Variants in ETF1 observed in about 807,000 individuals in gnomAD.
The protein encoded by ETF1 is eukaryotic translation termination factor 1, also known as eukaryotic peptide chain release factor subunit 1.
In ETF1, 4 loss-of-function variants were observed where a neutral mutation model predicts 55.1. The observed-to-expected ratio is 0.07, with a 90% confidence interval of 0.04 to 0.17. The LOEUF is 0.17. Among genes scored for constraint, ETF1 ranks in the 10% least tolerant of loss-of-function variants. The pLI is 1.00. For synonymous variants in ETF1, 157 were observed against 182.3 expected, an observed-to-expected ratio of 0.86 and a Z score of 1.12; for missense variants, 142 against 523.6, an observed-to-expected ratio of 0.27 and a Z score of 7.11.
At chr5:138,510,712 G>C (rs1764742295) in intron 8 of ETF1, 83 bp from the exon 9 acceptor site, 1 of 1,555,500 alleles carries the variant, frequency 6.4e-7, no homozygotes, top group Non-Finnish European at 8.7e-7. Context: ...GGTTAGATGA[G>C]AAAAGGGCTC....
intron 2 of ETF1, chr5:138,529,436 C>T (rs1223360939): frequency 4.5e-6 from 1 of 219,898 alleles, no homozygotes; most frequent in African/African-American, 2.4e-5. Flanking sequence ...AATAGTTTTC[C>T]TTCGTTTTTC....
At chr5:138,512,258 A>ATATTT (rs1484458741) in intron 6 of ETF1, among the ~76,000 whole-genome samples, 5 of 20,004 alleles carry the variant, frequency 2.5e-4, no homozygotes, top group African/African-American at 5.7e-4. Context: ...ATATATATAT[A>ATATTT]TTTTTTTTTT....
intron 2 of ETF1, among the ~76,000 whole-genome samples, chr5:138,533,128 A>C (rs154080): frequency 0.95 from 144,081 of 151,858 alleles, 68,396 homozygotes; most frequent in East Asian, 0.99. Flanking sequence ...TTAGTACGGA[A>C]AGGGTTTCAC....
rs1035543842 is a variant in ETF1 at position 138,507,105 on chromosome 5, AG to A, written c.*1199del. The A allele has an allele frequency of 1.3e-5, 2 of 152,204 alleles. No individual in the cohort carries two copies. The highest frequency in any genetic ancestry group is 4.8e-5 in the African/African-American group (2 of 41,448). The allele number at this position is 152,204 out of a possible 1,614,324, so 9.4% of individuals were successfully genotyped here. A position where few individuals can be genotyped will look rare whatever the true frequency, so the allele number is the denominator to read the frequency against. On this transcript the variant is annotated 3_prime_UTR_variant, in exon 11 of 11. Coordinates refer to ENST00000360541, the MANE Select transcript of ETF1 (RefSeq NM_004730.4). Reference sequence around the variant, plus strand: ...AGCCCAGCTGTGAAGCATAAGCTTCAGGGTTTCAGGCCAACTTTTGGATCCA... The same window carrying A: ...AGCCCAGCTGTGAAGCATAAGCTTCAGGTTTCAGGCCAACTTTTGGATCCA...
At chr5:138,526,302 A>G (rs1305522204) in intron 2 of ETF1, among the ~76,000 whole-genome samples, 2 of 152,188 alleles carry the variant, frequency 1.3e-5, no homozygotes, top group South Asian at 2.1e-4. Flanking sequence ...CTGTGAGGGG[A>G]ACGAAAATAA....
At chr5:138,539,607 A>T (rs1027980122) in intron 2 of ETF1, among the ~76,000 whole-genome samples, 6 of 152,226 alleles carry the variant, frequency 3.9e-5, no homozygotes, top group African/African-American at 1.2e-4. Flanking sequence ...CCAAATAAGC[A>T]TGTTCTACCC....
chr5:138,539,695 G>A (rs541336868), intron 2 of ETF1, among the ~76,000 whole-genome samples: 1 of 152,256 alleles, frequency 6.6e-6, no homozygotes, highest in Admixed American at 6.5e-5. Flanking sequence ...AAAACAGAAT[G>A]CTATGAAGTT....
chr5:138,542,148 G>A (rs910751682), intron 2 of ETF1, among the ~76,000 whole-genome samples: 2 of 152,148 alleles, frequency 1.3e-5, no homozygotes, highest in Admixed American at 1.3e-4. Flanking sequence ...ACATACACAT[G>A]CAGATTCATT....
intron 2 of ETF1, among the ~76,000 whole-genome samples, chr5:138,538,475 T>A (rs1020713151): frequency 6.6e-6 from 1 of 152,092 alleles, no homozygotes; most frequent in Non-Finnish European, 1.5e-5. Flanking sequence ...CAGGTGTGAG[T>A]CAACGTGCCC....
intron 2 of ETF1, among the ~76,000 whole-genome samples, chr5:138,524,533 C>T (rs1215393980): frequency 2.7e-5 from 4 of 149,960 alleles, no homozygotes; most frequent in Non-Finnish European, 5.9e-5. Context: ...AGCCTGGAAA[C>T]CAGAGTGAAA....
At position 138,513,894 on chromosome 5, in the gene ETF1, C is replaced by T. The variant is rs1308688880; in HGVS notation, c.403-188G>A. The T allele has an allele frequency of 3.7e-6, 3 of 821,472 alleles. No homozygotes were observed. The African/African-American group carries it at 5.6e-5, about 15-fold the overall frequency. 50.9% of individuals were successfully genotyped at this position (821,472 alleles called of 1,614,324 possible). ...GTAACTCTTATGGACAAATTTGAAC[C>T]CAATAAGGAAATAACGAATGATATC... On this transcript the variant is annotated intron_variant, in intron 4 of 10. Transcript: ENST00000360541.
In ETF1 at chr5:138,516,818, T is replaced by C. The variant is rs144461092; in HGVS notation, c.402+743A>G. Among the ~76,000 whole-genome samples, 56 of 152,306 alleles carry C rather than the reference T, an allele frequency of 3.7e-4. No homozygotes were observed. The East Asian group carries it at 0.01, about 27-fold the overall frequency. ...CAAATCTAAGAAACATGAAAATGTA[T>C]GGTCACATAGAAACTTGTCCATGAA... On this transcript the variant is annotated intron_variant, in intron 4 of 10. Coordinates refer to ENST00000360541, the MANE Select transcript of ETF1 (RefSeq NM_004730.4).
intron 6 of ETF1, among the ~76,000 whole-genome samples, chr5:138,512,256 ATATTT>A (rs1173181445): frequency 5.3e-5 from 1 of 18,878 alleles, no homozygotes; most frequent in Non-Finnish European, 8.3e-5. Context: ...ATATATATAT[ATATTT>A]TTTTTTTTTT....
chr5:138,508,142 C>T lies in ETF1; in HGVS notation c.*163G>A. On this transcript the variant is annotated 3_prime_UTR_variant, in exon 11 of 11. Transcript: ENST00000360541. ...GACAAACCAAAGTGTAGGGCTGGGT[C>T]TGGTTTTGTTTCGGTTTTCTTTTCA... The T allele has an allele frequency of 1.2e-6, 1 of 868,040 alleles. No individual in the cohort carries two copies. Among genetic ancestry groups the T allele is most frequent in the Non-Finnish European group, 1.7e-6 (1 of 589,394 alleles). 53.8% of individuals were successfully genotyped at this position (868,040 alleles called of 1,614,324 possible).
intron 7 of ETF1, 96 bp from the exon 8 acceptor site, chr5:138,511,296 T>A: frequency 6.5e-7 from 1 of 1,542,382 alleles, no homozygotes; most frequent in Non-Finnish European, 8.7e-7. Flanking sequence ...AGATAAAAAA[T>A]AATGCTTTTA....
intron 8 of ETF1, 45 bp from the exon 9 acceptor site, chr5:138,510,674 A>G: frequency 6.2e-7 from 1 of 1,609,778 alleles, no homozygotes; most frequent in East Asian, 2.2e-5. Flanking sequence ...GCTCTCATAT[A>G]CTAATCTGTG....
At chr5:138,513,839 G>T in intron 4 of ETF1, 133 bp from the exon 5 acceptor site, 2 of 1,132,398 alleles carry the variant, frequency 1.8e-6, no homozygotes, top group Non-Finnish European at 2.3e-6. Flanking sequence ...ACCTTCTACG[G>T]AATAATTTAT....
At chr5:138,513,755 A>G (rs779383972) in intron 4 of ETF1, 49 bp from the exon 5 acceptor site, 1 of 1,564,030 alleles carries the variant, frequency 6.4e-7, no homozygotes, top group East Asian at 2.3e-5. Flanking sequence ...AGCTTTGCTA[A>G]GGTCAAAAAA....
chr5:138,519,018 G>C, intron 2 of ETF1, 151 bp from the exon 3 acceptor site: 2 of 1,442,508 alleles, frequency 1.4e-6, no homozygotes, highest in Non-Finnish European at 1.8e-6. Flanking sequence ...TATTAGTCTT[G>C]TTTATGAACG....
Sources: gnomAD v4.1 joint callset for allele counts (sites outside exome capture counted in the v4.1 genomes callset) on GRCh38, gnomAD v4.1.1 for gene constraint, MANE v1.5 for transcripts, NCBI Gene and HGNC (gene_info 2026-07-23, HGNC 2026-07-21) for gene names.